The following GMDS variants were observed in gnomAD, a reference collection of about 807,000 sequenced individuals.
GMDS encodes the protein GDP-mannose 4,6 dehydratase.
Under a neutral mutation model 49.9 loss-of-function variants are expected in GMDS, and 20 were observed. The ratio of observed to expected loss-of-function variants is 0.40; its 90% CI spans 0.28 to 0.58. GMDS has a LOEUF of 0.58. GMDS is among the 20% of genes least tolerant of loss of function. GMDS has a pLI of 0.42. For missense variants in GMDS, 362 were observed against 481.4 expected (o/e 0.75, Z 2.32); for synonymous variants, 177 against 178.6 (o/e 0.99, Z 0.07).
At chr6:1,880,510 G>A (rs992330709) in intron 7 of GMDS, among the ~76,000 whole-genome samples, 17 of 152,110 alleles carry the variant, frequency 1.1e-4, no homozygotes, top group South Asian at 2.1e-4. Flanking sequence ...TACGTTGAGG[G>A]CTTACTACTC....
intron 9 of GMDS, among the ~76,000 whole-genome samples, chr6:1,658,414 C>T (rs540237997): frequency 1.2e-3 from 179 of 152,244 alleles, no homozygotes; most frequent in Non-Finnish European, 2.2e-3. Context: ...TGGCATTCGG[C>T]CCTGCGCCCA....
chr6:1,868,690 G>A (rs894923781), intron 7 of GMDS, among the ~76,000 whole-genome samples: 1 of 150,128 alleles, frequency 6.7e-6, no homozygotes, highest in Non-Finnish European at 1.5e-5. Flanking sequence ...TCAAGTGTAG[G>A]GCTCGTCCCA....
chr6:1,746,495 T>G (rs989495614), intron 7 of GMDS, among the ~76,000 whole-genome samples: 1 of 152,134 alleles, frequency 6.6e-6, no homozygotes, highest in African/African-American at 2.4e-5. Flanking sequence ...AGTTTTCAAA[T>G]CATGTCTTGC....
Position 2,013,716 on chromosome 6 carries a change from G to A in GMDS, c.346-52750C>T, listed in dbSNP as rs80169453. On this transcript the variant is annotated intron_variant, in intron 4 of 10. Transcript: ENST00000380815. ...TTGAAGATATATCAATAGATGCATCGCAAACTACAATGCAGAGAAAAGAGA... is the reference window on the plus strand; with the variant it reads ...TTGAAGATATATCAATAGATGCATCACAAACTACAATGCAGAGAAAAGAGA... Among the ~76,000 whole-genome samples, 77 of 151,712 alleles carry A rather than the reference G, an allele frequency of 5.1e-4. No individual in the cohort carries two copies. In the East Asian group the frequency reaches 0.014, roughly 27 times the overall value.
intron 4 of GMDS, among the ~76,000 whole-genome samples, chr6:2,057,751 A>G (rs1374298251): frequency 6.6e-6 from 1 of 152,186 alleles, no homozygotes; most frequent in Non-Finnish European, 1.5e-5. Context: ...CTGGGGATCA[A>G]TATCGGACTA....
At chr6:1,852,197 G>A (rs1271419109) in intron 7 of GMDS, among the ~76,000 whole-genome samples, 1 of 152,242 alleles carries the variant, frequency 6.6e-6, no homozygotes, top group Non-Finnish European at 1.5e-5. Context: ...AGCAGCAGAT[G>A]AAAACTCAGC....
rs186510452 is a variant in GMDS, at chr6:1,645,228, C to T, written c.988-20688G>A. ...GGATTACAGGCATGAGCCACCGCGCCCAGCCTGCTTGATTCTTATACCCTG... is the reference window on the plus strand; with the variant it reads ...GGATTACAGGCATGAGCCACCGCGCTCAGCCTGCTTGATTCTTATACCCTG... On this transcript the variant is annotated intron_variant, in intron 9 of 10. Coordinates refer to ENST00000380815, the MANE Select transcript of GMDS (RefSeq NM_001500.4). Among the ~76,000 whole-genome samples, 38 of 152,308 alleles carry T rather than the reference C, an allele frequency of 2.5e-4. 1 individual carries two copies. Among genetic ancestry groups the T allele is most frequent in the Admixed American group, 2.2e-3 (34 of 15,312 alleles).
intron 1 of GMDS, among the ~76,000 whole-genome samples, chr6:2,216,735 TG>T (rs11334634): frequency 0.18 from 27,990 of 152,176 alleles, 2,755 homozygotes; most frequent in South Asian, 0.29. Context: ...GAAGCACATC[TG>T]TAATATAATC....
At position 2,176,347 on chromosome 6, in the gene GMDS, A is replaced by T. The variant is rs3800173; in HGVS notation, c.103-51616T>A. On this transcript the variant is annotated intron_variant, in intron 1 of 10. Transcript: ENST00000380815. ...TAAGACAATGCAGCAATGGTTAAAA[A>T]CAGACTTTGATGTCAGAAATTTGGT... is the stretch of plus-strand genomic sequence containing the variant. 1.1e-4 allele frequency among the ~76,000 whole-genome samples: 16 copies of T among 152,302 alleles called. 2 individuals carry two copies. In the East Asian group the frequency reaches 3.1e-3, roughly 29 times the overall value.
In GMDS at chr6:2,117,496, T is replaced by C; in HGVS notation, c.208A>G (p.Lys70Glu). 1 of 1,605,092 alleles carries C rather than the reference T, an allele frequency of 6.2e-7. No individual in the cohort carries two copies. Among genetic ancestry groups the C allele is most frequent in the Middle Eastern group, 1.7e-4 (1 of 6,032 alleles). Reference sequence around the variant, plus strand: ...CCTTCAATGTGAGCCTGGGGATTCTTATACAGATGCTCAATTCGACCCGTA... The same window carrying C: ...CCTTCAATGTGAGCCTGGGGATTCTCATACAGATGCTCAATTCGACCCGTA... ...FNTGRIEHLY[K>E]NPQAHIEGNM... The change falls in exon 3 of 11, where the codon AAG (lysine) becomes GAG (glutamate). Residue 70 changes from lysine (K) to glutamate (E), a missense_variant. Transcript: ENST00000380815.
Position 1,766,930 on chromosome 6 carries a change from T to C in GMDS, c.772-24344A>G, listed in dbSNP as rs1768379062. 6.6e-6 allele frequency among the ~76,000 whole-genome samples: 1 copy of C among 152,184 alleles called. No homozygotes were observed. The highest frequency in any genetic ancestry group is 2.4e-5 in the African/African-American group (1 of 41,458). On this transcript the variant is annotated intron_variant, in intron 7 of 10. Transcript: ENST00000380815. The surrounding 1 kb of genome is among the most constrained non-coding windows in gnomAD (Gnocchi z 4.5). ...GGAGCACCGGGTAAGGGTTCTTTAT[T>C]TCCTGCTGAATCTGACTTAAGTGTA...
chr6:2,216,474 T>C (rs1780339283), intron 1 of GMDS, among the ~76,000 whole-genome samples: 2 of 152,204 alleles, frequency 1.3e-5, no homozygotes, highest in Non-Finnish European at 2.9e-5. Context: ...TAAGATTACA[T>C]GGAGGTGTGT....
At chr6:2,100,676 C>A (rs1384912534) in intron 4 of GMDS, among the ~76,000 whole-genome samples, 2 of 151,752 alleles carry the variant, frequency 1.3e-5, no homozygotes, top group Non-Finnish European at 2.9e-5. Context: ...ACTGACGAGT[C>A]AAGATAGTAT....
intron 7 of GMDS, among the ~76,000 whole-genome samples, chr6:1,785,662 C>T (rs1010823417): frequency 2.2e-4 from 33 of 152,240 alleles, no homozygotes; most frequent in African/African-American, 7.2e-4. Context: ...CCTGTCTTCT[C>T]TTCATCTGGG....
intron 4 of GMDS, among the ~76,000 whole-genome samples, chr6:2,010,847 G>A (rs1767514795): frequency 6.6e-6 from 1 of 152,018 alleles, no homozygotes; most frequent in Admixed American, 6.6e-5. Flanking sequence ...ATAGAACAAA[G>A]ACCAAATGAG....
intron 6 of GMDS, among the ~76,000 whole-genome samples, chr6:1,945,119 C>A (rs898977576): frequency 1.3e-5 from 2 of 152,096 alleles, no homozygotes; most frequent in Non-Finnish European, 2.9e-5. Flanking sequence ...GTGTGCCAGT[C>A]AGAAAACACT....
At chr6:1,838,355 C>G (rs138303584) in intron 7 of GMDS, among the ~76,000 whole-genome samples, 1 of 152,198 alleles carries the variant, frequency 6.6e-6, no homozygotes, top group African/African-American at 2.4e-5. Flanking sequence ...CTATGTAGTT[C>G]TCTCAAACAC....
intron 4 of GMDS, among the ~76,000 whole-genome samples, chr6:1,969,261 CAAAA>C (rs761741871): frequency 6.5e-3 from 91 of 14,086 alleles, no homozygotes; most frequent in Non-Finnish European, 0.015. Flanking sequence ...GGCTCCATCT[CAAAA>C]AAAAAAAAAA....
rs548856474 is a variant in GMDS at position 1,894,094 on chromosome 6, C to T, written c.771+36009G>A. ...AATTAACTAATCACAGAACACCTGA[C>T]ACAAAAATAAACATGTCTTTTCATC... is the stretch of plus-strand genomic sequence containing the variant. On this transcript the variant is annotated intron_variant, in intron 7 of 10. Transcript: ENST00000380815. 1.3e-5 allele frequency among the ~76,000 whole-genome samples: 2 copies of T among 152,312 alleles called. 1 individual carries two copies. The highest frequency in any genetic ancestry group is 4.1e-4 in the South Asian group (2 of 4,830).
Sources: allele counts gnomAD v4.1 joint callset (sites outside exome capture counted in the v4.1 genomes callset), GRCh38; gene constraint gnomAD v4.1.1; non-coding constraint Gnocchi (gnomAD v3.1); transcripts MANE v1.5; gene names NCBI Gene and HGNC (gene_info 2026-07-23, HGNC 2026-07-21).